ITGAL: variants seen among roughly 807,000 people sequenced by gnomAD.
ITGAL encodes the protein integrin alpha-L.
ITGAL carries 68 observed loss-of-function variants against 138.4 expected under a neutral mutation model. The observed-to-expected ratio is 0.49, with a 90% confidence interval of 0.40 to 0.60. The LOEUF is 0.60. Ranked by LOEUF, ITGAL falls within the 20% of genes least tolerant of loss-of-function variation. The pLI is 0.00. For missense variants in ITGAL, 1,256 were observed against 1,478.6 expected, an observed-to-expected ratio of 0.85 and a Z score of 2.47; for synonymous variants, 561 against 584.3, an observed-to-expected ratio of 0.96 and a Z score of 0.57.
chr16:30,504,927 A>G (rs1357679243), intron 18 of ITGAL: 1 of 185,260 alleles, frequency 5.4e-6, no homozygotes, highest in Non-Finnish European at 1.1e-5. Flanking sequence ...AGGCTGAGGC[A>G]TAAGAATCGC....
rs1460933708 is a variant in ITGAL, at chr16:30,510,889, G to A, written c.2628G>A (p.Leu876=). ...CTCTCCTTTCCTGCCAGGTTGCTCTGCAGATGATGTTTAATACACTGGTAA... is the reference window on the plus strand; with the variant it reads ...CTCTCCTTTCCTGCCAGGTTGCTCTACAGATGATGTTTAATACACTGGTAA... ...PIFKAGHSVA[L]QMMFNTLVNS... is the part of the protein sequence containing the mutation. The change falls in exon 23 of 31, where the codon CTG becomes CTA. Residue 876 remains leucine (L), a synonymous_variant. Coordinates refer to ENST00000356798, the MANE Select transcript of ITGAL (RefSeq NM_002209.3). The A allele has an allele frequency of 1.2e-6, 2 of 1,613,936 alleles. No homozygotes were observed. Among genetic ancestry groups the A allele is most frequent in the East Asian group, 2.2e-5 (1 of 44,862 alleles).
At chr16:30,479,287 C>G (rs1236200604) in intron 5 of ITGAL, 44 bp from the exon 6 acceptor site, 1 of 1,613,352 alleles carries the variant, frequency 6.2e-7, no homozygotes, top group African/African-American at 1.3e-5. Context: ...GCAGGTCAAA[C>G]ACCAGAGATG....
In ITGAL at chr16:30,481,593, C is replaced by T. The variant is rs1333960747; in HGVS notation, c.722+9C>T. 1.2e-6 allele frequency: 2 copies of T among 1,613,278 alleles called. No homozygotes were observed. The highest frequency in any genetic ancestry group is 8.5e-7 in the Non-Finnish European group (1 of 1,179,726). On this transcript the variant is annotated intron_variant, in intron 7 of 30. Coordinates refer to ENST00000356798, the MANE Select transcript of ITGAL (RefSeq NM_002209.3). ...GCCATCAATTATGTCGCGTGAGTTC[C>T]CTTTTGCAGGAGAGCACGTGTCCTG...
chr16:30,510,522 G>A (rs774206667), intron 22 of ITGAL, 51 bp downstream of exon 22: 2 of 1,064,494 alleles, frequency 1.9e-6, no homozygotes, highest in Non-Finnish European at 2.9e-6. Flanking sequence ...CCCTGAGCTG[G>A]TGGAGGGCAG....
At chr16:30,472,933 G>A in intron 1 of ITGAL, 35 bp downstream of exon 1, 1 of 1,595,852 alleles carries the variant, frequency 6.3e-7, no homozygotes, top group Non-Finnish European at 8.6e-7. Flanking sequence ...AGGGACATGT[G>A]TCTGTGACCA....
chr16:30,516,528 C>T (rs2051168684), intron 25 of ITGAL, among the ~76,000 whole-genome samples: 1 of 152,096 alleles, frequency 6.6e-6, no homozygotes, highest in East Asian at 1.9e-4. Context: ...CCACACTAGG[C>T]ACTGTGTCAA....
chr16:30,499,206 G>C lies in ITGAL; in HGVS notation c.1965G>C (p.Gln655His). Residue 655 changes from glutamine (Q) to histidine (H), a missense_variant, in exon 16 of 31, where the codon CAG becomes CAC. Around this residue, in one of 3 missense-constraint regions of ITGAL, gnomAD observed 867 missense variants for 972.5 expected, o/e 0.89. Coordinates refer to ENST00000356798, the MANE Select transcript of ITGAL (RefSeq NM_002209.3). The stretch of plus-strand genomic sequence containing the variant: ...GAGTTAATATCACAATCTGTTTCCA[G>C]ATCAAGTCTCTCATCCCCCAGTTCC... Reference protein sequence around the residue: ...KEGVNITICFQIKSLIPQFQG... With the variant: ...KEGVNITICFHIKSLIPQFQG... The C allele has an allele frequency of 1.2e-6, 2 of 1,614,166 alleles. No individual in the cohort carries two copies. Among genetic ancestry groups the C allele is most frequent in the Non-Finnish European group, 1.7e-6 (2 of 1,180,042 alleles).
intron 21 of ITGAL, among the ~76,000 whole-genome samples, chr16:30,509,827 C>A (rs1023892220): frequency 6.6e-6 from 1 of 151,822 alleles, no homozygotes; most frequent in Non-Finnish European, 1.5e-5. Context: ...TCTCTTGAGC[C>A]CAGGAGTTCA....
chr16:30,481,185 A>C (rs867202053), intron 6 of ITGAL: 5 of 373,610 alleles, frequency 1.3e-5, no homozygotes, highest in East Asian at 6.1e-5. Flanking sequence ...CACACACACC[A>C]CACACACACA....
At chr16:30,506,990 G>A (rs929009626) in intron 21 of ITGAL, 134 bp downstream of exon 21, 4 of 950,764 alleles carry the variant, frequency 4.2e-6, no homozygotes, top group Non-Finnish European at 6.3e-6. Context: ...GGTCATATCT[G>A]GGTTCCCAGC....
rs771500045 is a variant in ITGAL at position 30,494,220 on chromosome 16, G to C, written c.1222G>C (p.Val408Leu). 151 of 1,606,916 alleles carry C rather than the reference G, an allele frequency of 9.4e-5. No homozygotes were observed. Among genetic ancestry groups the C allele is most frequent in the Non-Finnish European group, 1.2e-4 (143 of 1,175,154 alleles). ...EVRAGYLGYT[V>L]TWLPSRQKTS... ...CCACACACTTTCCTCAGGTTACACC[G>C]TGACCTGGCTGCCCTCCCGGCAAAA... The change falls in exon 12 of 31, where the codon GTG becomes CTG. Residue 408 changes from valine (V) to leucine (L), a missense_variant. By Grantham distance (32) the Val-to-Leu change is conservative. Coordinates refer to ENST00000356798, the MANE Select transcript of ITGAL (RefSeq NM_002209.3). This position sits in a 1 kb window ranked among gnomAD's most constrained non-coding sequence, Gnocchi z 4.2.
intron 15 of ITGAL, chr16:30,498,693 G>A (rs982028025): frequency 6.1e-6 from 1 of 163,556 alleles, no homozygotes; most frequent in Non-Finnish European, 1.3e-5. Flanking sequence ...GAGCTCAGGA[G>A]TTCAAGACCA....
Position 30,479,159 on chromosome 16 carries a change from C to G in ITGAL, c.396C>G (p.Phe132Leu). Residue 132 changes from phenylalanine (F) to leucine (L), a missense_variant, in exon 5 of 31, where the codon TTC (phenylalanine) becomes TTG (leucine). Around this residue, in one of 3 missense-constraint regions of ITGAL, gnomAD observed 212 missense variants for 217.4 expected, o/e 0.98. Transcript: ENST00000356798. ...NTYLSGLCYL[F>L]RQNLQGPMLQ... ...ATCTGAGTGGCCTGTGTTACCTCTT[C>G]CGCCAGAATCTGCAGGGTCCCATGC... The G allele has an allele frequency of 6.2e-7, 1 of 1,614,178 alleles. No homozygotes were observed.
chr16:30,481,177 CACACA>C (rs772023264), intron 6 of ITGAL: 3 of 382,862 alleles, frequency 7.8e-6, no homozygotes, highest in East Asian at 6.1e-5. Context: ...CACACACACA[CACACA>C]CCACACACAC....
rs552968185 is a variant in ITGAL, at chr16:30,518,613, C to T, written c.3133-11C>T. On this transcript the variant is annotated splice_polypyrimidine_tract_variant and intron_variant, in intron 28 of 30. Transcript: ENST00000356798. ...TCTCCCGGGTTCTGACGCCTTTCCC[C>T]GCTCCCACAGGCCTCTTCCATGTTC... 9.0e-5 allele frequency: 145 copies of T among 1,603,556 alleles called. No homozygotes were observed. The Middle Eastern group carries it at 1.5e-3, about 16-fold the overall frequency.
intron 15 of ITGAL, among the ~76,000 whole-genome samples, chr16:30,497,371 G>C (rs2050817615): frequency 1.3e-5 from 2 of 152,000 alleles, no homozygotes; most frequent in South Asian, 4.1e-4. Flanking sequence ...ACAGGGTGTG[G>C]TGGCTCATGT....
At chr16:30,496,029 T>G in intron 13 of ITGAL, 68 bp from the exon 14 acceptor site, 1 of 1,289,440 alleles carries the variant, frequency 7.8e-7, no homozygotes, top group Non-Finnish European at 1.1e-6. Flanking sequence ...TTTAGCATTC[T>G]TCACTCAGTT....
chr16:30,499,184 T>A lies in ITGAL; in HGVS notation c.1943T>A (p.Val648Asp). 6.2e-7 allele frequency: 1 copy of A among 1,613,510 alleles called. No individual in the cohort carries two copies. Among genetic ancestry groups the A allele is most frequent in the Non-Finnish European group, 8.5e-7 (1 of 1,179,856 alleles). ...YSTSNKMKEG[V>D]NITICFQIKS... ...ACCAGTAACAAGATGAAAGAAGGAG[T>A]TAATATCACAATCTGTTTCCAGATC... The change falls in exon 16 of 31, where the codon GTT (valine) becomes GAT (aspartate). Residue 648 changes from valine to aspartate, a missense_variant. This residue lies in a region of ITGAL where 867 missense variants were observed against 972.5 expected (regional missense o/e 0.89). Coordinates refer to ENST00000356798, the MANE Select transcript of ITGAL (RefSeq NM_002209.3).
At chr16:30,513,464 C>T (rs2051119911) in intron 24 of ITGAL, among the ~76,000 whole-genome samples, 1 of 152,178 alleles carries the variant, frequency 6.6e-6, no homozygotes. Flanking sequence ...ATACGATTAT[C>T]TAGGAGATGA....
Sources: allele counts gnomAD v4.1 joint callset (sites outside exome capture counted in the v4.1 genomes callset), GRCh38; gene constraint gnomAD v4.1.1; regional missense constraint gnomAD v4.1.1; non-coding constraint Gnocchi (gnomAD v3.1); transcripts MANE v1.5; gene names NCBI Gene and HGNC (gene_info 2026-07-23, HGNC 2026-07-21).